DNAH2: variants seen among roughly 807,000 people sequenced by gnomAD.
DNAH2 encodes axonemal beta dynein heavy chain 2.
In DNAH2, 323 loss-of-function variants were observed where a neutral mutation model predicts 523.5. The ratio of observed to expected loss-of-function variants is 0.62; its 90% CI spans 0.56 to 0.68. DNAH2 has a LOEUF of 0.68. Among genes scored for constraint, DNAH2 ranks in the 30% least tolerant of loss-of-function variants. The pLI, the probability that DNAH2 is intolerant of heterozygous loss-of-function variation, is 0.00. For synonymous variants in DNAH2, 2,093 were observed against 2,177.4 expected (o/e 0.96, Z 1.08); for missense variants, 4,907 against 5,701.5 (o/e 0.86, Z 4.49).
In DNAH2 at chr17:7,828,345, ATTTG is replaced by A. The variant is rs1315949125; in HGVS notation, c.11854-1948_11854-1945del. Among the ~76,000 whole-genome samples, 4 of 152,112 alleles carry A rather than the reference ATTTG, an allele frequency of 2.6e-5. No homozygotes were observed. Among genetic ancestry groups the A allele is most frequent in the Non-Finnish European group, 5.9e-5 (4 of 68,020 alleles). On this transcript the variant is annotated intron_variant, in intron 77 of 85. Coordinates refer to ENST00000572933, the MANE Select transcript of DNAH2 (RefSeq NM_020877.5). The surrounding 1 kb of genome is among the most constrained non-coding windows in gnomAD (Gnocchi z 4.1). Reference sequence around the variant, plus strand: ...TTTATTCTTCAATATAAATTTTAGAATTTGTTTGTTCTATTAAAAAAATTCTATT... The same window carrying A: ...TTTATTCTTCAATATAAATTTTAGAATTTGTTCTATTAAAAAAATTCTATT...
At chr17:7,751,410 T>C in intron 12 of DNAH2, among the ~76,000 whole-genome samples, 1 of 152,296 alleles carries the variant, frequency 6.6e-6, no homozygotes, top group Non-Finnish European at 1.5e-5. Flanking sequence ...TTTTTTAATT[T>C]TATTTTAAAA....
At chr17:7,785,751 C>T (rs746613351) in intron 39 of DNAH2, among the ~76,000 whole-genome samples, 11 of 152,162 alleles carry the variant, frequency 7.2e-5, no homozygotes, top group South Asian at 2.1e-4. Context: ...TGTTCCAAGC[C>T]GTATCTGTGG....
Position 7,818,364 on chromosome 17 carries a change from T to C in DNAH2, c.10440T>C (p.Asn3480=). ...ATAAGGAGGTGGAATATAATACCAA[T>C]TTCCGTTTCTACATCACCACCAAGC... ...IGDKEVEYNT[N]FRFYITTKLS... The change falls in exon 69 of 86, where the codon AAT becomes AAC. Residue 3480 remains asparagine (N), a synonymous_variant. Transcript: ENST00000572933. 6.2e-7 allele frequency: 1 copy of C among 1,614,150 alleles called. No homozygotes were observed.
Position 7,776,781 on chromosome 17 carries a change from G to C in DNAH2, c.4950G>C (p.Val1650=). Residue 1650 remains valine (V), a splice_region_variant and synonymous_variant, in exon 32 of 86, where the codon GTG becomes GTC. Coordinates refer to ENST00000572933, the MANE Select transcript of DNAH2 (RefSeq NM_020877.5). ...ACGTGGCTTCTGCACATCCCCAGGTGGTGATCACTGCCAGTCAGATCCAGT... is the reference window on the plus strand; with the variant it reads ...ACGTGGCTTCTGCACATCCCCAGGTCGTGATCACTGCCAGTCAGATCCAGT... The part of the protein sequence containing the change: ...DKWVKEWAGQ[V]VITASQIQWT... 1 of 1,611,796 alleles carries C rather than the reference G, an allele frequency of 6.2e-7. No homozygotes were observed. The highest frequency in any genetic ancestry group is 8.5e-7 in the Non-Finnish European group (1 of 1,178,498).
At chr17:7,730,714 T>C (rs1051330492) in intron 4 of DNAH2, among the ~76,000 whole-genome samples, 1 of 151,872 alleles carries the variant, frequency 6.6e-6, no homozygotes, top group Admixed American at 6.6e-5. Flanking sequence ...CATGAGACAA[T>C]CGCTTGAACC....
rs769442295 is a variant in DNAH2 at position 7,792,700 on chromosome 17, C to G, written c.7189C>G (p.Arg2397Gly). The change falls in exon 47 of 86, where the codon CGC (arginine) becomes GGC (glycine). Residue 2397 changes from arginine (R) to glycine (G), a missense_variant. This residue lies in a region of DNAH2 where 2,806 missense variants were observed against 3,190.8 expected (regional missense o/e 0.88). Transcript: ENST00000572933. ...KIMVPTVDTV[R>G]YNYLVSSLVA... ...CATGGTGCCCACCGTCGACACTGTTCGCTACAACTACCTGGTGAGCAGCTT... is the reference window on the plus strand; with the variant it reads ...CATGGTGCCCACCGTCGACACTGTTGGCTACAACTACCTGGTGAGCAGCTT... 3.0e-5 allele frequency: 49 copies of G among 1,614,032 alleles called. No individual in the cohort carries two copies. Among genetic ancestry groups the G allele is most frequent in the Admixed American group, 3.0e-4 (18 of 60,008 alleles).
chr17:7,770,255 C>G lies in DNAH2; in HGVS notation c.3945C>G (p.His1315Gln), dbSNP rs1365676914. The stretch of plus-strand genomic sequence containing the variant: ...ACCCTCCTGTTCCTGGCTGCAGGCA[C>G]TGGGACCAGGTCCGGGATGAGATCC... ...DLRNPALRER[H>Q]WDQVRDEIQR... is the part of the protein sequence containing the mutation. Residue 1315 changes from histidine to glutamine, a missense_variant, in exon 25 of 86, where the codon CAC becomes CAG. Around this residue, in one of 3 missense-constraint regions of DNAH2, gnomAD observed 2,806 missense variants for 3,190.8 expected, o/e 0.88. Transcript: ENST00000572933. The G allele has an allele frequency of 2.5e-6, 4 of 1,602,538 alleles. No individual in the cohort carries two copies. In the South Asian group the frequency reaches 4.5e-5, roughly 18 times the overall value.
chr17:7,792,105 T>G (rs1277145460), intron 45 of DNAH2, 36 bp downstream of exon 45: 15 of 1,610,550 alleles, frequency 9.3e-6, no homozygotes, highest in African/African-American at 1.3e-5. Flanking sequence ...TTTGCCCTGT[T>G]TTTCCAGACC....
chr17:7,760,614 T>G lies in DNAH2; in HGVS notation c.2786-126T>G. The G allele has an allele frequency of 1.2e-6, 1 of 834,876 alleles. No homozygotes were observed. Among genetic ancestry groups the G allele is most frequent in the Non-Finnish European group, 1.9e-6 (1 of 531,022 alleles). The allele number at this position is 834,876 out of a possible 1,614,324, so 51.7% of individuals were successfully genotyped here. A position where few individuals can be genotyped will look rare whatever the true frequency, so the allele number is the denominator to read the frequency against. ...CTACTCCTTTACCTTCTAATGTGCA[T>G]GTTTGAGCTGTATTTCTCTGGGAAG... On this transcript the variant is annotated intron_variant, in intron 17 of 85. Coordinates refer to ENST00000572933, the MANE Select transcript of DNAH2 (RefSeq NM_020877.5). The surrounding 1 kb of genome is among the most constrained non-coding windows in gnomAD (Gnocchi z 4.0).
In DNAH2 at chr17:7,758,635, G is replaced by T. The variant is rs151273416; in HGVS notation, c.2192G>T (p.Arg731Leu). 2 of 1,612,794 alleles carry T rather than the reference G, an allele frequency of 1.2e-6. No homozygotes were observed. The highest frequency in any genetic ancestry group is 2.2e-5 in the South Asian group (2 of 90,820). The change falls in exon 14 of 86, where the codon CGT becomes CTT. Residue 731 changes from arginine (R) to leucine (L), a missense_variant. Arg to Leu is a moderately radical substitution (Grantham distance 102, BLOSUM62 -2). This residue lies in a region of DNAH2 where 2,806 missense variants were observed against 3,190.8 expected (regional missense o/e 0.88). Transcript: ENST00000572933. ...AGTGCCTTCTTCATCACGGAGTGCC[G>T]TATACATGCCAGCAAGGTGGGCCAT... The part of the protein sequence containing the change: ...GASAFFITEC[R>L]IHASKVQMIV...
In DNAH2 at chr17:7,780,581, G is replaced by A; in HGVS notation, c.5851-49G>A. The A allele has an allele frequency of 6.2e-7, 1 of 1,605,722 alleles. No individual in the cohort carries two copies. The highest frequency in any genetic ancestry group is 8.5e-7 in the Non-Finnish European group (1 of 1,175,408). On this transcript the variant is annotated intron_variant, in intron 37 of 85. Transcript: ENST00000572933. This position sits in a 1 kb window ranked among gnomAD's most constrained non-coding sequence, Gnocchi z 4.4. The stretch of plus-strand genomic sequence containing the variant: ...TCTGACTGTCCTGAGATGAAGCAGA[G>A]GGATTTGTGGGGAGATGGACTGTTT...
chr17:7,779,450 C>T, intron 36 of DNAH2, 27 bp downstream of exon 36: 3 of 1,606,554 alleles, frequency 1.9e-6, no homozygotes, highest in Non-Finnish European at 2.6e-6. Flanking sequence ...GGATGGGACT[C>T]CTGGGGTGGG....
chr17:7,734,860 T>C (rs1221605331), intron 7 of DNAH2, 152 bp downstream of exon 7: 1 of 719,196 alleles, frequency 1.4e-6, no homozygotes, highest in Admixed American at 2.6e-5. Context: ...CAGGAGAGTA[T>C]AAAATAGTAG....
intron 39 of DNAH2, among the ~76,000 whole-genome samples, chr17:7,781,677 C>T (rs1222090345): frequency 6.6e-6 from 1 of 152,234 alleles, no homozygotes; most frequent in African/African-American, 2.4e-5. Context: ...CTGACCACAA[C>T]TCCCTCCTCC....
intron 73 of DNAH2, among the ~76,000 whole-genome samples, chr17:7,823,136 A>G (rs2077908129): frequency 6.6e-6 from 1 of 152,092 alleles, no homozygotes; most frequent in Non-Finnish European, 1.5e-5. Context: ...TCTACTAAAA[A>G]TACAATAATT....
In DNAH2 at chr17:7,807,945, CTG is replaced by C. The variant is rs776580513; in HGVS notation, c.9729+363_9729+364del. Among the ~76,000 whole-genome samples the C allele has an allele frequency of 8.5e-5, 13 of 152,192 alleles. No individual in the cohort carries two copies. The highest frequency in any genetic ancestry group is 2.9e-5 in the Non-Finnish European group (2 of 68,040). ...TGCCAGAGGGATGGGTCAAGAGTGT[CTG>C]TGTCGCTTCTGTGGACCAAGAACAA... is the stretch of plus-strand genomic sequence containing the variant. On this transcript the variant is annotated intron_variant, in intron 63 of 85. Coordinates refer to ENST00000572933, the MANE Select transcript of DNAH2 (RefSeq NM_020877.5). The surrounding 1 kb of genome is among the most constrained non-coding windows in gnomAD (Gnocchi z 5.6).
intron 44 of DNAH2, among the ~76,000 whole-genome samples, chr17:7,790,038 C>T (rs1336314486): frequency 6.6e-6 from 1 of 152,138 alleles, no homozygotes; most frequent in African/African-American, 2.4e-5. Flanking sequence ...AGCAGACTAT[C>T]CCTTTGCCAG....
At position 7,830,372 on chromosome 17, in the gene DNAH2, G is replaced by T. The variant is rs757229590; in HGVS notation, c.11926G>T (p.Ala3976Ser). ...ACAGTTTTCCCGCTGCTCCAAACCTGCCAAATATAAGAAGCTGCTGTTTTC... is the reference window on the plus strand; with the variant it reads ...ACAGTTTTCCCGCTGCTCCAAACCTTCCAAATATAAGAAGCTGCTGTTTTC... The part of the protein sequence containing the change: ...EPQFSRCSKP[A>S]KYKKLLFSLC... The change falls in exon 78 of 86, where the codon GCC becomes TCC. Residue 3976 changes from alanine to serine, a missense_variant. Physicochemically the swap from Ala to Ser is moderately conservative, Grantham distance 99. Coordinates refer to ENST00000572933, the MANE Select transcript of DNAH2 (RefSeq NM_020877.5). 2 of 1,614,082 alleles carry T rather than the reference G, an allele frequency of 1.2e-6. No homozygotes were observed. The highest frequency in any genetic ancestry group is 1.7e-6 in the Non-Finnish European group (2 of 1,180,044).
intron 85 of DNAH2, 76 bp from the exon 86 acceptor site, chr17:7,833,303 C>G: frequency 6.2e-7 from 1 of 1,607,632 alleles, no homozygotes; most frequent in Non-Finnish European, 8.5e-7. Flanking sequence ...GCCCATCCCA[C>G]ACCCGCTCCT....
Sources: gnomAD v4.1 joint callset for allele counts (sites outside exome capture counted in the v4.1 genomes callset) on GRCh38, gnomAD v4.1.1 for gene constraint, gnomAD v4.1.1 regional missense constraint, Gnocchi (gnomAD v3.1) non-coding constraint, MANE v1.5 for transcripts, NCBI Gene and HGNC (gene_info 2026-07-23, HGNC 2026-07-21) for gene names.